ZBTB20: variants seen among roughly 807,000 people sequenced by gnomAD.
ZBTB20 encodes the protein zinc finger and BTB domain-containing protein 20.
In ZBTB20, 9 loss-of-function variants were observed where a neutral mutation model predicts 56.9. That is an observed-to-expected ratio of 0.16 (90% confidence interval 0.10 to 0.28). The LOEUF is 0.28. Among genes scored for constraint, ZBTB20 ranks in the 10% least tolerant of loss-of-function variants. ZBTB20 has a pLI of 1.00. For synonymous variants in ZBTB20, 417 were observed against 420.7 expected (o/e 0.99, Z 0.11); for missense variants, 655 against 1,003.0 (o/e 0.65, Z 4.69).
intron 10 of ZBTB20, among the ~76,000 whole-genome samples, chr3:114,372,951 T>C (rs2083203637): frequency 6.6e-6 from 1 of 152,134 alleles, no homozygotes; most frequent in African/African-American, 2.4e-5. Flanking sequence ...GCAGTCTTGC[T>C]CTGTCACTAG....
chr3:114,792,828 G>T (rs2071061520), intron 5 of ZBTB20, among the ~76,000 whole-genome samples: 1 of 151,430 alleles, frequency 6.6e-6, no homozygotes, highest in African/African-American at 2.4e-5. Context: ...AACAGTGCTA[G>T]CAATTCATAA....
intron 7 of ZBTB20, among the ~76,000 whole-genome samples, chr3:114,462,608 A>AT (rs967367527): frequency 3.2e-4 from 49 of 152,212 alleles, no homozygotes; most frequent in Admixed American, 5.2e-4. Flanking sequence ...ATGGTCACAT[A>AT]TTTTTTCAAT....
chr3:115,019,631 T>C (rs1467290262), intron 2 of ZBTB20, among the ~76,000 whole-genome samples: 1 of 151,274 alleles, frequency 6.6e-6, no homozygotes, highest in Non-Finnish European at 1.5e-5. Flanking sequence ...ATAAAAGTTA[T>C]ATTACAAAAT....
intron 6 of ZBTB20, among the ~76,000 whole-genome samples, chr3:114,659,866 G>T (rs1252241260): frequency 6.6e-6 from 1 of 152,082 alleles, no homozygotes; most frequent in Non-Finnish European, 1.5e-5. Context: ...CAGAAGCCAA[G>T]ACAACACATC....
chr3:114,612,324 T>A (rs1467904294), intron 6 of ZBTB20, among the ~76,000 whole-genome samples: 1 of 152,186 alleles, frequency 6.6e-6, no homozygotes, highest in Non-Finnish European at 1.5e-5. Context: ...CCAGTTAGTT[T>A]TAGGATCTAA....
intron 6 of ZBTB20, chr3:114,520,115 T>A (rs1464536320): frequency 1.3e-5 from 2 of 151,972 alleles, no homozygotes; most frequent in Non-Finnish European, 2.9e-5. Flanking sequence ...TCTGAGTACC[T>A]CTGCTTCCTT....
chr3:115,128,621 G>A (rs2084404635), intron 1 of ZBTB20, among the ~76,000 whole-genome samples: 1 of 150,406 alleles, frequency 6.6e-6, no homozygotes, highest in Non-Finnish European at 1.5e-5. Flanking sequence ...CCAAGATGAC[G>A]CCACTGCACT....
intron 2 of ZBTB20, among the ~76,000 whole-genome samples, chr3:115,025,223 G>A (rs144426577): frequency 7.4e-4 from 112 of 151,298 alleles, no homozygotes; most frequent in African/African-American, 2.5e-3. Context: ...TTGTTAGTTC[G>A]CTAAGGCTAA....
chr3:114,728,029 C>A (rs990533344), intron 5 of ZBTB20, among the ~76,000 whole-genome samples: 1 of 151,932 alleles, frequency 6.6e-6, no homozygotes, highest in African/African-American at 2.4e-5. Flanking sequence ...TGGAAAATAC[C>A]ACAGAAAAAT....
At chr3:115,079,167 G>A (rs1191081877) in intron 1 of ZBTB20, among the ~76,000 whole-genome samples, 1 of 152,100 alleles carries the variant, frequency 6.6e-6, no homozygotes, top group Non-Finnish European at 1.5e-5. Context: ...TCAGATTCTT[G>A]AGGTAGGGCA....
intron 6 of ZBTB20, among the ~76,000 whole-genome samples, chr3:114,618,336 A>G (rs953144404): frequency 2.7e-5 from 4 of 150,896 alleles, no homozygotes; most frequent in Admixed American, 2.0e-4. Context: ...TGCAAGCTCA[A>G]ACTCCTGGGC....
At chr3:114,971,439 C>G (rs962901940) in intron 3 of ZBTB20, among the ~76,000 whole-genome samples, 4 of 151,974 alleles carry the variant, frequency 2.6e-5, no homozygotes, top group African/African-American at 7.3e-5. Flanking sequence ...TAGTACTTAC[C>G]CCAAATAACT....
intron 6 of ZBTB20, among the ~76,000 whole-genome samples, chr3:114,677,594 T>A (rs2061704323): frequency 6.6e-6 from 1 of 152,172 alleles, no homozygotes; most frequent in Non-Finnish European, 1.5e-5. Flanking sequence ...AAACATTGTC[T>A]TCCATGAAAC....
intron 3 of ZBTB20, 101 bp downstream of exon 3, chr3:114,974,265 T>C (rs2078009205): frequency 6.6e-6 from 1 of 151,908 alleles, no homozygotes; most frequent in Non-Finnish European, 1.5e-5. Context: ...AGAAAAATAA[T>C]AAAATAAAAG....
In ZBTB20 at chr3:114,338,248, A is replaced by AATAAATACGATAGCCACTGT. The variant is rs1240918077; in HGVS notation, c.*737_*756dup. 1 of 152,176 alleles carries AATAAATACGATAGCCACTGT rather than the reference A, an allele frequency of 6.6e-6. No homozygotes were observed. The highest frequency in any genetic ancestry group is 1.5e-5 in the Non-Finnish European group (1 of 68,040). The allele number at this position is 152,176 out of a possible 1,614,324, so 9.4% of individuals were successfully genotyped here. On this transcript the variant is annotated 3_prime_UTR_variant, in exon 12 of 12. Transcript: ENST00000675478. ...AGGCTGTGGCTCAGCGAAGACACTG[A>AATAAATACGATAGCCACTGT]ATAAATACGATAGCCACTGTTGCTT... is the stretch of plus-strand genomic sequence containing the variant.
chr3:114,610,351 C>T (rs2057458908), intron 6 of ZBTB20, among the ~76,000 whole-genome samples: 1 of 152,176 alleles, frequency 6.6e-6, no homozygotes, highest in Admixed American at 6.5e-5. Flanking sequence ...CATCAATATG[C>T]AGGTCTTAAC....
intron 6 of ZBTB20, among the ~76,000 whole-genome samples, chr3:114,602,241 G>A (rs2056816350): frequency 6.6e-6 from 1 of 152,030 alleles, no homozygotes; most frequent in South Asian, 2.1e-4. Flanking sequence ...GATGAGAGCG[G>A]TGAGTATCCC....
Position 114,351,389 on chromosome 3 carries a change from C to T in ZBTB20, c.689G>A (p.Gly230Asp). 1 of 1,611,984 alleles carries T rather than the reference C, an allele frequency of 6.2e-7. No individual in the cohort carries two copies. Reference protein sequence around the residue: ...TSGQSSDTESGYLQSHPQHSV... With the variant: ...TSGQSSDTESDYLQSHPQHSV... ...GTGCTGTGGGTGGCTCTGCAGGTAG[C>T]CCGACTCCGTGTCGCTGCTCTGGCC... Residue 230 changes from glycine (G) to aspartate (D), a missense_variant, in exon 11 of 12, where the codon GGC (glycine) becomes GAC (aspartate). By Grantham distance (94) the Gly-to-Asp change is moderately conservative. Transcript: ENST00000675478.
intron 6 of ZBTB20, among the ~76,000 whole-genome samples, chr3:114,691,412 G>A (rs1440201328): frequency 6.6e-6 from 1 of 151,998 alleles, no homozygotes; most frequent in Non-Finnish European, 1.5e-5. Context: ...GTTCATTATA[G>A]TAATTTGTTT....
Sources: allele counts gnomAD v4.1 joint callset (sites outside exome capture counted in the v4.1 genomes callset), GRCh38; gene constraint gnomAD v4.1.1; transcripts MANE v1.5; gene names NCBI Gene and HGNC (gene_info 2026-07-23, HGNC 2026-07-21).